CCDC169: variants seen among roughly 807,000 people sequenced by gnomAD.
CCDC169 encodes the protein coiled-coil domain containing 169.
A neutral mutation model predicts 36.0 loss-of-function variants in CCDC169; 30 were observed. That is an observed-to-expected ratio of 0.83 (90% CI 0.62 to 1.13). CCDC169 has a LOEUF of 1.13. CCDC169 is among the 50% of genes most tolerant of loss of function. The pLI, the probability that CCDC169 is intolerant of heterozygous loss-of-function variation, is 0.00. For synonymous variants in CCDC169, 85 were observed against 81.5 expected (o/e 1.04, Z -0.23); for missense variants, 245 against 245.9 (o/e 1.00, Z 0.03).
At chr13:36,259,256 A>G (rs1010386328) in intron 4 of CCDC169, among the ~76,000 whole-genome samples, 19 of 152,192 alleles carry the variant, frequency 1.2e-4, no homozygotes, top group African/African-American at 4.6e-4. Context: ...TCTCCCCCTC[A>G]GAGCCACCAT....
chr13:36,253,641 A>AT (rs1436980417), intron 6 of CCDC169, among the ~76,000 whole-genome samples, 162 bp downstream of exon 6: 1 of 152,020 alleles, frequency 6.6e-6, no homozygotes, highest in Non-Finnish European at 1.5e-5. Flanking sequence ...AGCCCTTTTT[A>AT]TTTTTTATAC....
chr13:36,297,418 C>G (rs1879655967), intron 1 of CCDC169, among the ~76,000 whole-genome samples: 1 of 152,188 alleles, frequency 6.6e-6, no homozygotes, highest in African/African-American at 2.4e-5. Context: ...GGCAGCACAT[C>G]CTACCCGGAA....
intron 7 of CCDC169, among the ~76,000 whole-genome samples, chr13:36,242,806 C>G (rs1199803149): frequency 6.6e-6 from 1 of 152,100 alleles, no homozygotes; most frequent in Non-Finnish European, 1.5e-5. Context: ...CCTCGATGCA[C>G]CAGCACCTTA....
chr13:36,227,281 G>T (rs898828875), downstream of CCDC169: 1 of 1,551,336 alleles, frequency 6.4e-7, no homozygotes, highest in African/African-American at 1.4e-5. Context: ...TTTTGTCCGA[G>T]GCATGTCCTA....
At chr13:36,227,211 A>T (rs1417120554), downstream of CCDC169, 28 of 1,542,434 alleles carry the variant, frequency 1.8e-5, no homozygotes, top group Non-Finnish European at 2.3e-5. Context: ...TTAGCTCTTC[A>T]GGTGAGTCTG....
chr13:36,236,547 CAT>C (rs1170485126), intron 7 of CCDC169, among the ~76,000 whole-genome samples: 6 of 151,972 alleles, frequency 3.9e-5, no homozygotes, highest in African/African-American at 1.2e-4. Context: ...TAGAAGAAAA[CAT>C]AGGTTAGGCA....
chr13:36,229,570 C>T (rs1870200946), downstream of CCDC169, among the ~76,000 whole-genome samples: 1 of 123,594 alleles, frequency 8.1e-6, no homozygotes, highest in Non-Finnish European at 1.6e-5. Context: ...CAGAGTCTTG[C>T]TCTGTCTCCC....
intron 4 of CCDC169, among the ~76,000 whole-genome samples, chr13:36,269,053 G>A (rs1222841749): frequency 6.6e-6 from 1 of 151,948 alleles, no homozygotes; most frequent in East Asian, 1.9e-4. Flanking sequence ...GCAGTAAACT[G>A]AGATTGTGCC....
At chr13:36,233,600 A>G (rs1380282527) in intron 7 of CCDC169, among the ~76,000 whole-genome samples, 2 of 152,210 alleles carry the variant, frequency 1.3e-5, no homozygotes, top group African/African-American at 4.8e-5. Context: ...AATACTAATA[A>G]GAGATAGAAA....
intron 4 of CCDC169, among the ~76,000 whole-genome samples, chr13:36,272,040 G>A (rs1394894656): frequency 2.0e-5 from 3 of 149,296 alleles, no homozygotes; most frequent in Non-Finnish European, 3.0e-5. Flanking sequence ...AGCCGAGATT[G>A]CACCACTGCA....
chr13:36,281,039 G>C (rs1162728018), intron 4 of CCDC169: 1 of 289,344 alleles, frequency 3.5e-6, no homozygotes, highest in African/African-American at 2.2e-5. Flanking sequence ...TCTTTGAAGG[G>C]GAGTAGACGT....
At chr13:36,250,102 G>A (rs1271058170) in intron 6 of CCDC169, among the ~76,000 whole-genome samples, 1 of 152,194 alleles carries the variant, frequency 6.6e-6, no homozygotes, top group Non-Finnish European at 1.5e-5. Context: ...TGATGGAGAT[G>A]TGCACAGGTG....
At chr13:36,280,770 T>C (rs1877410463) in intron 4 of CCDC169, 1 of 152,250 alleles carries the variant, frequency 6.6e-6, no homozygotes. Flanking sequence ...CCAAATAATA[T>C]CAGCTGAATA....
intron 4 of CCDC169, among the ~76,000 whole-genome samples, chr13:36,276,817 T>G (rs1876884211): frequency 2.0e-5 from 3 of 152,110 alleles, no homozygotes; most frequent in African/African-American, 7.2e-5. Context: ...AAGGCTGTAT[T>G]CCACATCTTT....
chr13:36,260,832 C>T lies in CCDC169; in HGVS notation c.316-6689G>A, dbSNP rs138727263. Among the ~76,000 whole-genome samples, 991 of 152,264 alleles carry T rather than the reference C, an allele frequency of 6.5e-3. 14 individuals are homozygous for T. Among genetic ancestry groups the T allele is most frequent in the African/African-American group, 0.023 (947 of 41,544 alleles). The stretch of plus-strand genomic sequence containing the variant: ...CTAGAACTTTCTTTTCTGAATGCTA[C>T]TTTTCATAAGAGCCTCCTACCCCCA... On this transcript the variant is annotated intron_variant, in intron 4 of 7. Coordinates refer to ENST00000239859, the MANE Select transcript of CCDC169 (RefSeq NM_001144981.3).
chr13:36,250,767 G>A (rs1873053239), intron 6 of CCDC169, among the ~76,000 whole-genome samples: 1 of 152,080 alleles, frequency 6.6e-6, no homozygotes, highest in Non-Finnish European at 1.5e-5. Context: ...GTGTAGACTT[G>A]TTCTTATTCT....
chr13:36,293,026 C>T (rs1456818892), intron 2 of CCDC169, among the ~76,000 whole-genome samples: 2 of 152,152 alleles, frequency 1.3e-5, no homozygotes, highest in African/African-American at 2.4e-5. Flanking sequence ...CTTCTGATTG[C>T]TTCTCTTTTT....
intron 4 of CCDC169, among the ~76,000 whole-genome samples, chr13:36,270,737 G>A (rs1436217424): frequency 2.0e-5 from 3 of 152,058 alleles, no homozygotes; most frequent in African/African-American, 7.2e-5. Flanking sequence ...GAATAAAACT[G>A]GATCCCTATC....
At chr13:36,291,989 CTTTTTT>C (rs35326800) in intron 2 of CCDC169, among the ~76,000 whole-genome samples, 2 of 134,876 alleles carry the variant, frequency 1.5e-5, no homozygotes, top group Admixed American at 7.5e-5. Flanking sequence ...AATAAGTCTT[CTTTTTT>C]TTTTTTTTTT....
Sources: gnomAD v4.1 joint callset for allele counts (sites outside exome capture counted in the v4.1 genomes callset) on GRCh38, gnomAD v4.1.1 for gene constraint, MANE v1.5 for transcripts, NCBI Gene and HGNC (gene_info 2026-07-23, HGNC 2026-07-21) for gene names.